The following EMB variants were observed in gnomAD, a reference collection of about 807,000 sequenced individuals.
The protein encoded by EMB is embigin.
A neutral mutation model predicts 41.4 loss-of-function variants in EMB; 31 were observed. The ratio of observed to expected loss-of-function variants is 0.75; its 90% CI spans 0.56 to 1.01. The LOEUF (loss-of-function observed/expected upper bound fraction) is 1.01. EMB is among the 50% of genes least tolerant of loss of function. EMB has a pLI of 0.00. For synonymous variants in EMB, 137 were observed against 140.4 expected (o/e 0.98, Z 0.17); for missense variants, 379 against 388.3 (o/e 0.98, Z 0.20).
intron 4 of EMB, among the ~76,000 whole-genome samples, chr5:50,408,728 T>C (rs1365424125): frequency 6.6e-6 from 1 of 152,066 alleles, no homozygotes; most frequent in Non-Finnish European, 1.5e-5. Flanking sequence ...AACCATTAAG[T>C]AAACCATATG....
At chr5:50,420,160 G>A (rs1745494926) in intron 2 of EMB, among the ~76,000 whole-genome samples, 2 of 152,014 alleles carry the variant, frequency 1.3e-5, no homozygotes, top group Admixed American at 6.6e-5. Flanking sequence ...CTGTACATCC[G>A]GCACATGTAC....
intron 1 of EMB, among the ~76,000 whole-genome samples, chr5:50,434,380 T>C (rs1184667147): frequency 6.6e-6 from 1 of 152,216 alleles, no homozygotes; most frequent in African/African-American, 2.4e-5. Flanking sequence ...TTCTGCATAG[T>C]TTAGGTGCAG....
At chr5:50,419,678 C>A (rs1206145199) in intron 2 of EMB, among the ~76,000 whole-genome samples, 1 of 152,132 alleles carries the variant, frequency 6.6e-6, no homozygotes, top group South Asian at 2.1e-4. Context: ...CTCCTTTCCC[C>A]ATCATGGTTG....
In EMB at chr5:50,398,582, C is replaced by T. The variant is rs1423962979; in HGVS notation, c.*691G>A. 4 of 152,034 alleles carry T rather than the reference C, an allele frequency of 2.6e-5. No individual in the cohort carries two copies. Among genetic ancestry groups the T allele is most frequent in the Admixed American group, 6.6e-5 (1 of 15,250 alleles). The allele number at this position is 152,034 out of a possible 1,614,324, so 9.4% of individuals were successfully genotyped here. A position where few individuals can be genotyped will look rare whatever the true frequency, so the allele number is the denominator to read the frequency against. On this transcript the variant is annotated 3_prime_UTR_variant, in exon 9 of 9. Transcript: ENST00000303221. Reference sequence around the variant, plus strand: ...AAACCCTATTTAAGACTAAGAAGCACTTTAGCCTGGTGGGGAAAGCAGTGG... The same window carrying T: ...AAACCCTATTTAAGACTAAGAAGCATTTTAGCCTGGTGGGGAAAGCAGTGG...
At chr5:50,404,193 C>T (rs1745212892) in intron 5 of EMB, among the ~76,000 whole-genome samples, 1 of 151,948 alleles carries the variant, frequency 6.6e-6, no homozygotes, top group African/African-American at 2.4e-5. Flanking sequence ...TGCTCCATCA[C>T]TCAACCGTGC....
intron 1 of EMB, among the ~76,000 whole-genome samples, chr5:50,438,341 C>T (rs1230787443): frequency 2.0e-5 from 3 of 152,100 alleles, no homozygotes; most frequent in Non-Finnish European, 4.4e-5. Flanking sequence ...CCAGCCTGAG[C>T]GACAGAGTGA....
chr5:50,416,200 T>C (rs916296872), intron 2 of EMB, among the ~76,000 whole-genome samples: 1 of 152,218 alleles, frequency 6.6e-6, no homozygotes, highest in African/African-American at 2.4e-5. Flanking sequence ...TTCAACTTCC[T>C]TAATACTGCA....
Position 50,399,095 on chromosome 5 carries a change from A to T in EMB, c.*178T>A. On this transcript the variant is annotated 3_prime_UTR_variant, in exon 9 of 9. Transcript: ENST00000303221. ...TGCTTTTATGTAACATAATTACAGAATGAAAATATACCTTTAGATCTGACA... is the reference window on the plus strand; with the variant it reads ...TGCTTTTATGTAACATAATTACAGATTGAAAATATACCTTTAGATCTGACA... The T allele has an allele frequency of 1.4e-6, 1 of 712,332 alleles. No individual in the cohort carries two copies. The highest frequency in any genetic ancestry group is 2.1e-6 in the Non-Finnish European group (1 of 472,904). 44.1% of individuals were successfully genotyped at this position (712,332 alleles called of 1,614,324 possible). A position where few individuals can be genotyped will look rare whatever the true frequency, so the allele number is the denominator to read the frequency against.
intron 1 of EMB, among the ~76,000 whole-genome samples, chr5:50,428,991 G>A (rs1745669115): frequency 1.3e-5 from 2 of 152,116 alleles, no homozygotes; most frequent in African/African-American, 4.8e-5. Flanking sequence ...AGCCTCCCCG[G>A]TTCAAGCAAT....
In EMB at chr5:50,397,962, T is replaced by C. The variant is rs1191988964; in HGVS notation, c.*1311A>G. ...AATTTTCACTACCAAAATTTTATTA[T>C]ATTTTTCTTAGCCAATACATGGAGC... On this transcript the variant is annotated 3_prime_UTR_variant, in exon 9 of 9. Coordinates refer to ENST00000303221, the MANE Select transcript of EMB (RefSeq NM_198449.3). The C allele has an allele frequency of 6.6e-6, 1 of 152,016 alleles. No homozygotes were observed. 9.4% of individuals were successfully genotyped at this position (152,016 alleles called of 1,614,324 possible).
chr5:50,426,540 TC>T (rs1745613162), intron 2 of EMB, among the ~76,000 whole-genome samples: 3 of 152,176 alleles, frequency 2.0e-5, no homozygotes, highest in Non-Finnish European at 4.4e-5. Flanking sequence ...CAGACCAAAA[TC>T]TTTCTGGTCC....
chr5:50,418,581 CT>C (rs1395091249), intron 2 of EMB, among the ~76,000 whole-genome samples: 4 of 152,234 alleles, frequency 2.6e-5, no homozygotes, highest in African/African-American at 9.6e-5. Context: ...CTTTCACTCA[CT>C]CATTTAACAC....
chr5:50,422,892 T>C (rs1030284190), intron 2 of EMB, among the ~76,000 whole-genome samples: 5 of 152,170 alleles, frequency 3.3e-5, no homozygotes, highest in African/African-American at 9.6e-5. Context: ...TGGAAGTATA[T>C]GTTAAAATAA....
chr5:50,403,497 T>G, intron 5 of EMB, 43 bp from the exon 6 acceptor site: 1 of 1,586,906 alleles, frequency 6.3e-7, no homozygotes, highest in Non-Finnish European at 8.6e-7. Flanking sequence ...TCATAGCACA[T>G]AAAAGATACA....
chr5:50,406,000 T>G, intron 4 of EMB, 148 bp from the exon 5 acceptor site: 1 of 1,186,592 alleles, frequency 8.4e-7, no homozygotes, highest in Non-Finnish European at 1.1e-6. Flanking sequence ...TTTATAGTAG[T>G]TAGGGTGTAG....
At chr5:50,434,409 C>T (rs1745770785) in intron 1 of EMB, among the ~76,000 whole-genome samples, 1 of 152,200 alleles carries the variant, frequency 6.6e-6, no homozygotes, top group Admixed American at 6.5e-5. Context: ...AAAGTGTGAA[C>T]ATTTTTTGCC....
intron 2 of EMB, among the ~76,000 whole-genome samples, chr5:50,413,604 G>C (rs1214599719): frequency 6.9e-6 from 1 of 144,842 alleles, no homozygotes; most frequent in Non-Finnish European, 1.5e-5. Context: ...TTTTTGAGAT[G>C]GAGCCTCGTT....
intron 1 of EMB, among the ~76,000 whole-genome samples, chr5:50,432,354 C>CTTAATT (rs1366672592): frequency 6.6e-6 from 1 of 152,066 alleles, no homozygotes; most frequent in Non-Finnish European, 1.5e-5. Flanking sequence ...ACATGCAGTA[C>CTTAATT]TTAATTTTAA....
intron 2 of EMB, among the ~76,000 whole-genome samples, chr5:50,420,890 G>C (rs917910266): frequency 2.6e-5 from 4 of 152,128 alleles, no homozygotes; most frequent in African/African-American, 9.7e-5. Flanking sequence ...TACTTTACGG[G>C]ATATGCAAGA....
Sources: gnomAD v4.1 joint callset for allele counts (sites outside exome capture counted in the v4.1 genomes callset) on GRCh38, gnomAD v4.1.1 for gene constraint, MANE v1.5 for transcripts, NCBI Gene and HGNC (gene_info 2026-07-23, HGNC 2026-07-21) for gene names.